The following LRRN1 variants were observed in gnomAD, a reference collection of about 807,000 sequenced individuals.
LRRN1 encodes leucine-rich repeat neuronal protein 1.
LRRN1 carries 14 observed loss-of-function variants against 45.8 expected under a neutral mutation model. The observed-to-expected ratio is 0.31, with a 90% CI of 0.20 to 0.48. The LOEUF (loss-of-function observed/expected upper bound fraction) is 0.48. Ranked by LOEUF, LRRN1 falls within the 20% of genes least tolerant of loss-of-function variation. LRRN1 has a pLI of 0.99. For missense variants in LRRN1, 789 were observed against 874.2 expected (o/e 0.90, Z 1.23); for synonymous variants, 359 against 330.1 (o/e 1.09, Z -0.95).
chr3:3,801,832 T>TAGAC (rs1692659347), intron 1 of LRRN1, among the ~76,000 whole-genome samples: 1 of 152,208 alleles, frequency 6.6e-6, no homozygotes, highest in Non-Finnish European at 1.5e-5. Context: ...AGGAAAAGGT[T>TAGAC]TGTGTGAAGC....
chr3:3,822,770 G>C (rs1427018205), intron 1 of LRRN1: 1 of 152,038 alleles, frequency 6.6e-6, no homozygotes, highest in African/African-American at 2.4e-5. Context: ...ATACATACTG[G>C]AAATGAGCTG....
intron 1 of LRRN1, among the ~76,000 whole-genome samples, chr3:3,823,846 T>C (rs1693160229): frequency 6.6e-6 from 1 of 152,158 alleles, no homozygotes; most frequent in South Asian, 2.1e-4. Flanking sequence ...AATCAAGAAG[T>C]GCTGCTTAAT....
At chr3:3,810,985 A>G (rs1054645299) in intron 1 of LRRN1, among the ~76,000 whole-genome samples, 2 of 152,312 alleles carry the variant, frequency 1.3e-5, no homozygotes, top group South Asian at 2.1e-4. Context: ...GTGCTTCCCA[A>G]TTGCTGTGAC....
At chr3:3,832,966 C>T (rs1693401942) in intron 1 of LRRN1, among the ~76,000 whole-genome samples, 1 of 152,202 alleles carries the variant, frequency 6.6e-6, no homozygotes, top group South Asian at 2.1e-4. Flanking sequence ...TAGCTATGCC[C>T]ACTTTGCCTT....
At chr3:3,809,749 T>C (rs1239558498) in intron 1 of LRRN1, among the ~76,000 whole-genome samples, 5 of 152,174 alleles carry the variant, frequency 3.3e-5, no homozygotes, top group African/African-American at 1.2e-4. Flanking sequence ...ATGGGGATGA[T>C]AATAGAGCCC....
At chr3:3,805,037 T>C (rs565177571) in intron 1 of LRRN1, among the ~76,000 whole-genome samples, 15 of 152,216 alleles carry the variant, frequency 9.9e-5, no homozygotes, top group Non-Finnish European at 1.9e-4. Context: ...AGTGTCCATT[T>C]AATATTCATT....
chr3:3,823,135 A>AGAGCT lies in LRRN1; in HGVS notation c.-278-21228_-278-21224dup, dbSNP rs1219580463. On this transcript the variant is annotated intron_variant, in intron 1 of 1. Transcript: ENST00000319331. ...TTGGGAAAAATCGGTGTTGGCTTCA[A>AGAGCT]GAGCTATAAATGCTCCCAGGTAGCC... is the stretch of plus-strand genomic sequence containing the variant. 3.8e-4 allele frequency among the ~76,000 whole-genome samples: 58 copies of AGAGCT among 152,306 alleles called. 1 individual carries two copies. Among genetic ancestry groups the AGAGCT allele is most frequent in the Non-Finnish European group, 4.1e-4 (28 of 68,020 alleles).
At chr3:3,820,380 A>G (rs1693077655) in intron 1 of LRRN1, among the ~76,000 whole-genome samples, 1 of 152,200 alleles carries the variant, frequency 6.6e-6, no homozygotes, top group African/African-American at 2.4e-5. Flanking sequence ...ATTTCTAAAA[A>G]GTTTCATTCA....
chr3:3,813,373 A>G (rs574607985), intron 1 of LRRN1, among the ~76,000 whole-genome samples: 1 of 152,278 alleles, frequency 6.6e-6, no homozygotes, highest in East Asian at 1.9e-4. Flanking sequence ...CCTTGTAACA[A>G]TTTGTTTTAG....
rs751821811 is a variant in LRRN1 at position 3,846,979 on chromosome 3, C to T, written c.*187C>T. 3.8e-5 allele frequency: 18 copies of T among 470,632 alleles called. No individual in the cohort carries two copies. The highest frequency in any genetic ancestry group is 6.9e-5 in the Non-Finnish European group (18 of 260,126). The allele number at this position is 470,632 out of a possible 1,614,324, so 29.2% of individuals were successfully genotyped here. On this transcript the variant is annotated 3_prime_UTR_variant, in exon 2 of 2. Transcript: ENST00000319331. The surrounding 1 kb of genome is among the most constrained non-coding windows in gnomAD (Gnocchi z 5.7). ...CGCAAGGGTTTGACACGGCTGCCAG[C>T]GACTCTAGGCTTCCAGTCTGTGTTT...
intron 1 of LRRN1, among the ~76,000 whole-genome samples, chr3:3,835,928 C>T (rs985259469): frequency 2.0e-5 from 3 of 151,880 alleles, no homozygotes; most frequent in South Asian, 4.2e-4. Context: ...AAATGCATCC[C>T]GTGCCAATTC....
chr3:3,802,237 T>G (rs1318248556), intron 1 of LRRN1, among the ~76,000 whole-genome samples: 1 of 152,222 alleles, frequency 6.6e-6, no homozygotes, highest in African/African-American at 2.4e-5. Flanking sequence ...CACACTGCAC[T>G]GTTCACCTCT....
intron 1 of LRRN1, among the ~76,000 whole-genome samples, chr3:3,805,094 T>G (rs144288766): frequency 1.8e-3 from 273 of 152,270 alleles, no homozygotes; most frequent in African/African-American, 6.1e-3. Flanking sequence ...TGTGAGATAA[T>G]GTATTAGCAT....
chr3:3,839,690 C>A (rs1361156092), intron 1 of LRRN1, among the ~76,000 whole-genome samples: 1 of 152,052 alleles, frequency 6.6e-6, no homozygotes, highest in African/African-American at 2.4e-5. Flanking sequence ...TTGTACAAGT[C>A]TTTTGCCTCC....
At chr3:3,827,187 T>G (rs1693241006) in intron 1 of LRRN1, 1 of 226,640 alleles carries the variant, frequency 4.4e-6, no homozygotes, top group Admixed American at 5.0e-5. Flanking sequence ...GCAGGTTTTA[T>G]AATCTCCATT....
Position 3,848,557 on chromosome 3 carries a change from A to G in LRRN1, c.*1765A>G, listed in dbSNP as rs1464487847. Among the ~76,000 whole-genome samples, 2 of 152,168 alleles carry G rather than the reference A, an allele frequency of 1.3e-5. No homozygotes were observed. Among genetic ancestry groups the G allele is most frequent in the Non-Finnish European group, 2.9e-5 (2 of 68,022 alleles). On this transcript the variant is annotated 3_prime_UTR_variant, in exon 2 of 2. Transcript: ENST00000319331. ...TCTTTGGCAGTATCTTGCTTTTGTG[A>G]ATCACTTTATTAAAAAAAATCACTT...
chr3:3,831,907 A>G (rs147829750), intron 1 of LRRN1, among the ~76,000 whole-genome samples: 56 of 152,250 alleles, frequency 3.7e-4, no homozygotes, highest in Admixed American at 7.2e-4. Context: ...CAGTAAAGGT[A>G]TATTGCTGTC....
At chr3:3,835,671 A>G (rs1693494946) in intron 1 of LRRN1, among the ~76,000 whole-genome samples, 1 of 150,978 alleles carries the variant, frequency 6.6e-6, no homozygotes. Flanking sequence ...CCAACTTCAT[A>G]AGAAGTTAAT....
intron 1 of LRRN1, chr3:3,804,205 T>C (rs1327547317): frequency 6.6e-6 from 1 of 152,232 alleles, no homozygotes; most frequent in Non-Finnish European, 1.5e-5. Context: ...CAGTCGTAGC[T>C]GGATGATCTT....
Sources: allele counts gnomAD v4.1 joint callset (sites outside exome capture counted in the v4.1 genomes callset), GRCh38; gene constraint gnomAD v4.1.1; non-coding constraint Gnocchi (gnomAD v3.1); transcripts MANE v1.5; gene names NCBI Gene and HGNC (gene_info 2026-07-23, HGNC 2026-07-21).